BTBD16: variants seen among roughly 807,000 people sequenced by gnomAD.
The protein encoded by BTBD16 is BTB/POZ domain-containing protein 16.
A neutral mutation model predicts 67.4 loss-of-function variants in BTBD16; 66 were observed. The observed-to-expected ratio is 0.98, with a 90% CI of 0.80 to 1.20. The LOEUF is 1.20. BTBD16 is among the 50% of genes most tolerant of loss of function. The probability of loss-of-function intolerance (pLI) is 0.00; values close to 1 mark genes in which losing one functional copy is unlikely to be tolerated. For missense variants in BTBD16, 634 were observed against 616.0 expected, an observed-to-expected ratio of 1.03 and a Z score of -0.31; for synonymous variants, 242 against 236.4, an observed-to-expected ratio of 1.02 and a Z score of -0.22.
chr10:122,287,670 C>T (rs145123628), intron 5 of BTBD16, among the ~76,000 whole-genome samples: 131 of 152,310 alleles, frequency 8.6e-4, no homozygotes, highest in Admixed American at 2.6e-3. Context: ...ACCTGTCTCA[C>T]GGTTATCACT....
At chr10:122,330,265 G>A (rs569094923) in intron 11 of BTBD16, among the ~76,000 whole-genome samples, 21 of 152,258 alleles carry the variant, frequency 1.4e-4, no homozygotes, top group African/African-American at 3.9e-4. Context: ...GGGGTGAGGC[G>A]TGGTTGTAGG....
intron 10 of BTBD16, among the ~76,000 whole-genome samples, chr10:122,327,339 A>C (rs1293304343): frequency 6.6e-6 from 1 of 152,134 alleles, no homozygotes; most frequent in Non-Finnish European, 1.5e-5. Context: ...GAGTCCATTC[A>C]CTTTCCCTGG....
chr10:122,277,691 T>C (rs1433054786), intron 3 of BTBD16, among the ~76,000 whole-genome samples: 1 of 152,070 alleles, frequency 6.6e-6, no homozygotes, highest in Non-Finnish European at 1.5e-5. Flanking sequence ...CAACCGGCTC[T>C]TGTGGGAACT....
intron 9 of BTBD16, among the ~76,000 whole-genome samples, chr10:122,306,281 T>TAA (rs2096403567): frequency 1.3e-5 from 2 of 152,252 alleles, no homozygotes; most frequent in Non-Finnish European, 2.9e-5. Context: ...AACACAGCTC[T>TAA]GCTGACAACT....
chr10:122,321,498 T>C (rs2142117990), intron 10 of BTBD16, among the ~76,000 whole-genome samples: 1 of 152,366 alleles, frequency 6.6e-6, no homozygotes, highest in East Asian at 1.9e-4. Context: ...TTCCCTTTTC[T>C]CCACAGCCTT....
At chr10:122,290,042 A>G (rs2096371095) in intron 6 of BTBD16, 44 bp downstream of exon 6, 3 of 1,320,524 alleles carry the variant, frequency 2.3e-6, no homozygotes, top group African/African-American at 1.5e-5. Flanking sequence ...CATTGAACAA[A>G]TGGTCCTCCC....
At chr10:122,290,606 G>A (rs922801492) in intron 6 of BTBD16, among the ~76,000 whole-genome samples, 1 of 152,118 alleles carries the variant, frequency 6.6e-6, no homozygotes, top group East Asian at 1.9e-4. Context: ...CCTAGCCAAG[G>A]CAGTTCAGCT....
At chr10:122,286,563 C>T (rs1483353081) in intron 5 of BTBD16, among the ~76,000 whole-genome samples, 1 of 152,076 alleles carries the variant, frequency 6.6e-6, no homozygotes, top group Non-Finnish European at 1.5e-5. Flanking sequence ...CTGGCCAGCC[C>T]AGACATAGAG....
rs767365691 is a variant in BTBD16 at position 122,276,828 on chromosome 10, CCAACCGGTGGCGTTT to C, written c.57_71del (p.Asn20_Leu24del). 6.2e-7 allele frequency: 1 copy of C among 1,614,246 alleles called. No homozygotes were observed. The highest frequency in any genetic ancestry group is 8.5e-7 in the Non-Finnish European group (1 of 1,180,038). On this transcript the variant is annotated inframe_deletion, in exon 3 of 16. Coordinates refer to ENST00000260723, the MANE Select transcript of BTBD16 (RefSeq NM_144587.5). ...CTGGAACGCCGGGTCACTGGCTCAA[CCAACCGGTGGCGTTT>C]GCCCAAACAGCCTTTCTCTGGGGAC... is the stretch of plus-strand genomic sequence containing the variant.
rs2133315834 is a variant in BTBD16 at position 122,329,528 on chromosome 10, G to A, written c.960G>A (p.Leu320=). 1 of 1,613,864 alleles carries A rather than the reference G, an allele frequency of 6.2e-7. No homozygotes were observed. Among genetic ancestry groups the A allele is most frequent in the South Asian group, 1.1e-5 (1 of 91,064 alleles). The change falls in exon 11 of 16, where the codon TTG becomes TTA. Residue 320 remains leucine, a synonymous_variant. Coordinates refer to ENST00000260723, the MANE Select transcript of BTBD16 (RefSeq NM_144587.5). The part of the protein sequence containing the change: ...CFLDRDIGRS[L]RPLFLCLRLH... ...TGGACCGGGACATAGGACGGAGCTT[G>A]AGGCCGCTCTTCCTCTGCTTGCGTC...
At chr10:122,305,581 C>G (rs1487731341) in intron 9 of BTBD16, among the ~76,000 whole-genome samples, 1 of 152,202 alleles carries the variant, frequency 6.6e-6, no homozygotes, top group Non-Finnish European at 1.5e-5. Flanking sequence ...AGAAGCCAAG[C>G]AGATGCCAGC....
chr10:122,331,711 A>G (rs950932024), intron 12 of BTBD16, among the ~76,000 whole-genome samples: 1 of 152,214 alleles, frequency 6.6e-6, no homozygotes, highest in Non-Finnish European at 1.5e-5. Context: ...TGAATTGTCC[A>G]TGCAAACTGT....
In BTBD16 at chr10:122,334,920, T is replaced by C; in HGVS notation, c.1204T>C (p.Phe402Leu). Residue 402 changes from phenylalanine to leucine, a missense_variant, in exon 14 of 16, where the codon TTC (phenylalanine) becomes CTC (leucine). Physicochemically the swap from Phe to Leu is conservative, Grantham distance 22. Coordinates refer to ENST00000260723, the MANE Select transcript of BTBD16 (RefSeq NM_144587.5). The stretch of plus-strand genomic sequence containing the variant: ...TTCGAAAACGATTGCTCTATATGGA[T>C]TCTTCTTTAAGATAAAGGGACTCAA... ...TYSKTIALYG[F>L]FFKIKGLKHD... The C allele has an allele frequency of 1.9e-6, 3 of 1,577,530 alleles. No individual in the cohort carries two copies. Among genetic ancestry groups the C allele is most frequent in the Non-Finnish European group, 2.6e-6 (3 of 1,148,946 alleles).
intron 1 of BTBD16, among the ~76,000 whole-genome samples, chr10:122,273,238 A>ATATATATATATATATATC (rs2096333086): frequency 6.7e-6 from 1 of 149,088 alleles, no homozygotes. Context: ...ATATATATAT[A>ATATATATATATATATATC]TATATATACA....
chr10:122,295,396 G>A, intron 7 of BTBD16: 2 of 985,422 alleles, frequency 2.0e-6, no homozygotes, highest in Non-Finnish European at 1.2e-6. Context: ...CCAGAGGTTT[G>A]GATGAGCCCA....
rs778015817 is a variant in BTBD16, at chr10:122,336,598, C to T, written c.1368C>T (p.Ala456=). The change falls in exon 15 of 16, where the codon GCC becomes GCT. Residue 456 remains alanine (A), a synonymous_variant. Transcript: ENST00000260723. ...RLVKYEIRAE[A]LVDGKWQEFR... is the part of the protein sequence containing the mutation. ...TGAAGTATGAGATCAGAGCAGAGGCCCTGGTTGACGGCAAGTGGCAGGAGT... is the reference window on the plus strand; with the variant it reads ...TGAAGTATGAGATCAGAGCAGAGGCTCTGGTTGACGGCAAGTGGCAGGAGT... 6.2e-7 allele frequency: 1 copy of T among 1,612,890 alleles called. No homozygotes were observed. Among genetic ancestry groups the T allele is most frequent in the South Asian group, 1.1e-5 (1 of 90,826 alleles).
At chr10:122,325,067 A>G (rs1420966395) in intron 10 of BTBD16, among the ~76,000 whole-genome samples, 1 of 152,194 alleles carries the variant, frequency 6.6e-6, no homozygotes, top group African/African-American at 2.4e-5. Context: ...ACAGGACCAC[A>G]TGGGCATGGA....
intron 13 of BTBD16, chr10:122,332,734 G>C (rs2096457209): frequency 1.2e-6 from 1 of 820,278 alleles, no homozygotes; most frequent in Non-Finnish European, 1.5e-6. Context: ...TCCCCACTAA[G>C]AGGACCAGCA....
Position 122,299,054 on chromosome 10 carries a change from C to A in BTBD16, c.711C>A (p.Asn237Lys), listed in dbSNP as rs1590066879. The A allele has an allele frequency of 6.2e-7, 1 of 1,613,990 alleles. No individual in the cohort carries two copies. The highest frequency in any genetic ancestry group is 8.5e-7 in the Non-Finnish European group (1 of 1,179,990). ...GCTGCGAGAAGTGGCTGGAAATGAACTTGGTTCCTCTAGGGGGGACGCAGA... is the reference window on the plus strand; with the variant it reads ...GCTGCGAGAAGTGGCTGGAAATGAAATTGGTTCCTCTAGGGGGGACGCAGA... Reference protein sequence around the residue: ...TTGCEKWLEMNLVPLGGTQIH... With the variant: ...TTGCEKWLEMKLVPLGGTQIH... The change falls in exon 9 of 16, where the codon AAC (asparagine) becomes AAA (lysine). Residue 237 changes from asparagine to lysine, a missense_variant. Asn to Lys is a moderately conservative substitution (Grantham distance 94, BLOSUM62 0). Transcript: ENST00000260723.
Sources: gnomAD v4.1 joint callset for allele counts (sites outside exome capture counted in the v4.1 genomes callset) on GRCh38, gnomAD v4.1.1 for gene constraint, MANE v1.5 for transcripts, NCBI Gene and HGNC (gene_info 2026-07-23, HGNC 2026-07-21) for gene names.